Variants in PARD3B observed in about 807,000 individuals in gnomAD.
The protein encoded by PARD3B is partitioning defective 3 homolog B.
PARD3B carries 103 observed loss-of-function variants against 130.2 expected under a neutral mutation model. The ratio of observed to expected loss-of-function variants is 0.79; its 90% CI spans 0.67 to 0.93. The LOEUF (loss-of-function observed/expected upper bound fraction) is 0.93. Among genes scored for constraint, PARD3B ranks in the 40% least tolerant of loss-of-function variants. The probability of loss-of-function intolerance (pLI) is 0.00; values close to 1 mark genes in which losing one functional copy is unlikely to be tolerated. For missense variants in PARD3B, 1,609 were observed against 1,499.2 expected (o/e 1.07, Z -1.21); for synonymous variants, 583 against 553.2 (o/e 1.05, Z -0.76).
rs1696072728 is a variant in PARD3B at position 205,015,483 on chromosome 2, C to A, written c.395-32098C>A. 6.6e-6 allele frequency among the ~76,000 whole-genome samples: 1 copy of A among 152,058 alleles called. No individual in the cohort carries two copies. The highest frequency in any genetic ancestry group is 6.5e-5 in the Admixed American group (1 of 15,274). On this transcript the variant is annotated intron_variant, in intron 3 of 22. Coordinates refer to ENST00000406610, the MANE Select transcript of PARD3B (RefSeq NM_001302769.2). This position sits in a 1 kb window ranked among gnomAD's most constrained non-coding sequence, Gnocchi z 4.5. ...CCTTGGCAAGATGCAGACCGAGTTCCTAGAAGATAGGGATGATGTGTTATT... is the reference window on the plus strand; with the variant it reads ...CCTTGGCAAGATGCAGACCGAGTTCATAGAAGATAGGGATGATGTGTTATT...
chr2:205,554,340 A>AT (rs1491490441), intron 22 of PARD3B, among the ~76,000 whole-genome samples: 1 of 152,144 alleles, frequency 6.6e-6, no homozygotes, highest in African/African-American at 2.4e-5. Flanking sequence ...CCTCTGTGTG[A>AT]TTTTACAAAA....
rs1553523207 is a variant in PARD3B at position 204,789,872 on chromosome 2, C to CTTCTT, written c.222+103592_222+103593insCTTTT. Among the ~76,000 whole-genome samples the CTTCTT allele has an allele frequency of 6.8e-3, 943 of 139,394 alleles. 17 individuals are homozygous for CTTCTT. The highest frequency in any genetic ancestry group is 0.023 in the African/African-American group (892 of 38,296). 91.4% of individuals were successfully genotyped at this position (139,394 alleles called of 152,430 possible). ...GTGAAGGTGAATTTTTAGTTTTCTT[C>CTTCTT]TTTTTTTTTTTTTTTTAAGACAGAG... On this transcript the variant is annotated intron_variant, in intron 2 of 22. Coordinates refer to ENST00000406610, the MANE Select transcript of PARD3B (RefSeq NM_001302769.2).
chr2:205,170,220 G>A (rs142477912), intron 11 of PARD3B, among the ~76,000 whole-genome samples: 152 of 152,262 alleles, frequency 1.0e-3, no homozygotes, highest in African/African-American at 3.5e-3. Flanking sequence ...GTGAGCCACC[G>A]TGCCCAGCCC....
chr2:204,733,568 C>A (rs368265840), intron 2 of PARD3B, among the ~76,000 whole-genome samples: 21 of 143,414 alleles, frequency 1.5e-4, no homozygotes, highest in African/African-American at 3.6e-4. Flanking sequence ...ATGTAAAGAA[C>A]CTAGAATAGT....
intron 1 of PARD3B, among the ~76,000 whole-genome samples, chr2:204,592,189 C>T (rs2033101681): frequency 6.6e-6 from 1 of 152,234 alleles, no homozygotes; most frequent in Non-Finnish European, 1.5e-5. Flanking sequence ...ATTTAGGAAA[C>T]TAGAGTACTT....
intron 2 of PARD3B, among the ~76,000 whole-genome samples, chr2:204,732,314 C>T: frequency 6.6e-6 from 1 of 152,022 alleles, no homozygotes; most frequent in East Asian, 1.9e-4. Context: ...GGAGGGAGTG[C>T]TAGAAAGGCA....
rs547279210 is a variant in PARD3B, at chr2:204,976,754, G to A, written c.394+11431G>A. Among the ~76,000 whole-genome samples, 5 of 151,756 alleles carry A rather than the reference G, an allele frequency of 3.3e-5. No homozygotes were observed. The South Asian group carries it at 1.0e-3, about 32-fold the overall frequency. ...CCTGAGTAGCTGGGACTAGAGGTGCGGGCCATCACACCCAGCTAATTTTCG... is the reference window on the plus strand; with the variant it reads ...CCTGAGTAGCTGGGACTAGAGGTGCAGGCCATCACACCCAGCTAATTTTCG... On this transcript the variant is annotated intron_variant, in intron 3 of 22. Coordinates refer to ENST00000406610, the MANE Select transcript of PARD3B (RefSeq NM_001302769.2).
chr2:205,359,958 T>A (rs575506027), intron 18 of PARD3B, among the ~76,000 whole-genome samples: 8 of 152,328 alleles, frequency 5.3e-5, no homozygotes, highest in Non-Finnish European at 1.0e-4. Flanking sequence ...ATGCATTTTT[T>A]AAATTTTCTT....
chr2:205,258,548 C>T lies in PARD3B; in HGVS notation c.2185+12726C>T, dbSNP rs1301983519. On this transcript the variant is annotated intron_variant, in intron 16 of 22. Coordinates refer to ENST00000406610, the MANE Select transcript of PARD3B (RefSeq NM_001302769.2). The surrounding 1 kb of genome is among the most constrained non-coding windows in gnomAD (Gnocchi z 4.9). ...TTTATTGATGTATGTAACCTACTGT[C>T]TGTTTCCCCTACCTCCAGAAGTGAG... 6.6e-6 allele frequency among the ~76,000 whole-genome samples: 1 copy of T among 152,224 alleles called. No homozygotes were observed. The highest frequency in any genetic ancestry group is 1.9e-4 in the East Asian group (1 of 5,190).
chr2:205,202,115 GA>G, intron 15 of PARD3B, among the ~76,000 whole-genome samples: 1 of 152,084 alleles, frequency 6.6e-6, no homozygotes, highest in Middle Eastern at 3.4e-3. Context: ...CCAACATTTG[GA>G]TTAACCAAAA....
chr2:205,099,842 T>G (rs777964833), intron 4 of PARD3B, among the ~76,000 whole-genome samples: 2 of 152,190 alleles, frequency 1.3e-5, no homozygotes, highest in Non-Finnish European at 2.9e-5. Flanking sequence ...CTATAGTTAC[T>G]ACCCTTTTTT....
rs1452398617 is a variant in PARD3B at position 205,158,517 on chromosome 2, T to A, written c.1435-205T>A. 1.3e-5 allele frequency among the ~76,000 whole-genome samples: 2 copies of A among 152,200 alleles called. No individual in the cohort carries two copies. Among genetic ancestry groups the A allele is most frequent in the East Asian group, 3.9e-4 (2 of 5,188 alleles). On this transcript the variant is annotated intron_variant, in intron 10 of 22. Coordinates refer to ENST00000406610, the MANE Select transcript of PARD3B (RefSeq NM_001302769.2). The surrounding 1 kb of genome is among the most constrained non-coding windows in gnomAD (Gnocchi z 5.4). ...TTGACCATTACCGAATAGTATTCCC[T>A]GAAACCTCTTCCCCTGCTCCATGGA...
chr2:205,124,906 G>A (rs957676562), intron 9 of PARD3B, among the ~76,000 whole-genome samples: 1 of 152,234 alleles, frequency 6.6e-6, no homozygotes, highest in East Asian at 1.9e-4. Flanking sequence ...TGCTAGGATA[G>A]CAATGAAAAC....
chr2:204,564,130 G>C (rs2125060301), intron 1 of PARD3B, among the ~76,000 whole-genome samples: 1 of 152,300 alleles, frequency 6.6e-6, no homozygotes, highest in Non-Finnish European at 1.5e-5. Flanking sequence ...GGATTACATT[G>C]CTATTCAGTC....
chr2:204,605,864 T>C (rs2033703479), intron 1 of PARD3B, among the ~76,000 whole-genome samples: 1 of 152,200 alleles, frequency 6.6e-6, no homozygotes, highest in South Asian at 2.1e-4. Flanking sequence ...TCAAGACCTG[T>C]CCTGTTCTGT....
intron 1 of PARD3B, among the ~76,000 whole-genome samples, chr2:204,608,244 A>G (rs2125112900): frequency 6.6e-6 from 1 of 152,340 alleles, no homozygotes; most frequent in Admixed American, 6.5e-5. Context: ...AAATATTGTA[A>G]GGGGCAAGGA....
At chr2:205,323,297 C>T (rs1380864655) in intron 18 of PARD3B, among the ~76,000 whole-genome samples, 1 of 152,106 alleles carries the variant, frequency 6.6e-6, no homozygotes, top group African/African-American at 2.4e-5. Flanking sequence ...ACTTTTACAG[C>T]TTAACTGTAT....
chr2:204,958,904 T>C (rs970807335), intron 2 of PARD3B, among the ~76,000 whole-genome samples: 2 of 152,154 alleles, frequency 1.3e-5, no homozygotes, highest in Admixed American at 6.6e-5. Flanking sequence ...CATGGCTCTT[T>C]TTATCAGATC....
intron 8 of PARD3B, among the ~76,000 whole-genome samples, chr2:205,123,030 A>C (rs1237842754): frequency 1.3e-5 from 2 of 152,234 alleles, no homozygotes; most frequent in East Asian, 3.8e-4. Flanking sequence ...TCACCTTAAA[A>C]ATTTATTACA....
Sources: gnomAD v4.1 joint callset for allele counts (sites outside exome capture counted in the v4.1 genomes callset) on GRCh38, gnomAD v4.1.1 for gene constraint, Gnocchi (gnomAD v3.1) non-coding constraint, MANE v1.5 for transcripts, NCBI Gene and HGNC (gene_info 2026-07-23, HGNC 2026-07-21) for gene names.